The following FSTL5 variants were observed in gnomAD, a reference collection of about 807,000 sequenced individuals.
FSTL5 encodes follistatin like 5, also known as follistatin-related protein 5.
Under a neutral mutation model 89.1 loss-of-function variants are expected in FSTL5, and 62 were observed. The ratio of observed to expected loss-of-function variants is 0.70; its 90% CI spans 0.57 to 0.86. The LOEUF (loss-of-function observed/expected upper bound fraction) is 0.86. Among genes scored for constraint, FSTL5 ranks in the 40% least tolerant of loss-of-function variants. The pLI, the probability that FSTL5 is intolerant of heterozygous loss-of-function variation, is 0.00. For missense variants in FSTL5, 1,057 were observed against 1,001.6 expected, an observed-to-expected ratio of 1.06 and a Z score of -0.75; for synonymous variants, 383 against 346.2, an observed-to-expected ratio of 1.11 and a Z score of -1.18.
chr4:161,703,393 T>A (rs1401356434), intron 6 of FSTL5, among the ~76,000 whole-genome samples: 1 of 152,104 alleles, frequency 6.6e-6, no homozygotes, highest in Non-Finnish European at 1.5e-5. Flanking sequence ...ACCAAGTTAA[T>A]AAATTTAAAT....
chr4:161,848,125 G>T (rs1387704916), intron 4 of FSTL5, among the ~76,000 whole-genome samples: 2 of 148,904 alleles, frequency 1.3e-5, no homozygotes, highest in Non-Finnish European at 3.0e-5. Flanking sequence ...AAAGGTAATC[G>T]TCTGCAGCAT....
chr4:161,566,256 A>G (rs181811626), intron 8 of FSTL5, among the ~76,000 whole-genome samples: 123 of 151,248 alleles, frequency 8.1e-4, no homozygotes, highest in African/African-American at 2.8e-3. Flanking sequence ...GAAGTAACTC[A>G]GAAATGGAAA....
intron 3 of FSTL5, among the ~76,000 whole-genome samples, chr4:162,021,026 T>G (rs1181517231): frequency 6.6e-6 from 1 of 152,148 alleles, no homozygotes; most frequent in Non-Finnish European, 1.5e-5. Flanking sequence ...TAGAAAAAGT[T>G]TAAGTCTGTC....
intron 1 of FSTL5, among the ~76,000 whole-genome samples, chr4:162,152,894 T>C (rs761939423): frequency 1.2e-4 from 18 of 151,960 alleles, no homozygotes; most frequent in Non-Finnish European, 2.4e-4. Context: ...ACAACATATT[T>C]CAAATACATT....
At chr4:161,651,479 G>A (rs1736342193) in intron 7 of FSTL5, among the ~76,000 whole-genome samples, 2 of 151,868 alleles carry the variant, frequency 1.3e-5, no homozygotes, top group Admixed American at 6.6e-5. Flanking sequence ...TTTTTAGGTA[G>A]GTTCAGGGTA....
chr4:161,415,761 C>A (rs1578956100), intron 15 of FSTL5, among the ~76,000 whole-genome samples: 1 of 133,694 alleles, frequency 7.5e-6, no homozygotes, highest in Non-Finnish European at 1.6e-5. Flanking sequence ...ACATATATAT[C>A]ATACATATAG....
intron 4 of FSTL5, among the ~76,000 whole-genome samples, chr4:161,836,560 G>A (rs1384138521): frequency 6.6e-6 from 1 of 152,038 alleles, no homozygotes; most frequent in African/African-American, 2.4e-5. Flanking sequence ...AAGGGTCCCA[G>A]TGGTGATGAG....
chr4:161,848,048 A>AC (rs1315502410), intron 4 of FSTL5, among the ~76,000 whole-genome samples: 3,574 of 146,606 alleles, frequency 0.024, 182 homozygotes, highest in African/African-American at 0.089. Flanking sequence ...AAAAAAAAAA[A>AC]AAAAAAAAAA....
intron 4 of FSTL5, among the ~76,000 whole-genome samples, chr4:161,856,203 T>C (rs1439273127): frequency 1.3e-5 from 2 of 152,068 alleles, no homozygotes; most frequent in African/African-American, 4.8e-5. Flanking sequence ...CAAAGCAATA[T>C]GAATTTTTCT....
chr4:161,743,112 T>C (rs1740084328), intron 6 of FSTL5, among the ~76,000 whole-genome samples: 1 of 152,156 alleles, frequency 6.6e-6, no homozygotes, highest in African/African-American at 2.4e-5. Context: ...TGTGTTTTTG[T>C]TGTTATAGCC....
intron 2 of FSTL5, among the ~76,000 whole-genome samples, chr4:162,087,844 T>G (rs1225321314): frequency 6.6e-6 from 1 of 152,160 alleles, no homozygotes; most frequent in Admixed American, 6.6e-5. Flanking sequence ...ACTATTTAAG[T>G]GTATGAATCA....
intron 8 of FSTL5, among the ~76,000 whole-genome samples, chr4:161,566,080 T>C (rs1466153221): frequency 1.2e-5 from 1 of 82,232 alleles, no homozygotes; most frequent in Non-Finnish European, 2.5e-5. Context: ...ACATCTATTG[T>C]TTTTTTCTTT....
At chr4:161,627,395 A>C (rs1735351180) in intron 7 of FSTL5, among the ~76,000 whole-genome samples, 1 of 152,208 alleles carries the variant, frequency 6.6e-6, no homozygotes, top group Admixed American at 6.5e-5. Context: ...TATTTTATAC[A>C]TAATGCCATC....
intron 6 of FSTL5, among the ~76,000 whole-genome samples, chr4:161,731,214 A>C (rs1449480999): frequency 1.3e-5 from 2 of 152,120 alleles, no homozygotes; most frequent in African/African-American, 4.8e-5. Flanking sequence ...AAGATGATGA[A>C]TCTGTCACAC....
At chr4:162,163,453 T>TAAG (rs1186499031) in intron 1 of FSTL5, among the ~76,000 whole-genome samples, 162 bp downstream of exon 1, 1 of 145,218 alleles carries the variant, frequency 6.9e-6, no homozygotes, top group East Asian at 2.0e-4. Flanking sequence ...ATAATAATAA[T>TAAG]AATAATAATA....
intron 1 of FSTL5, among the ~76,000 whole-genome samples, chr4:162,147,657 A>C (rs1733054601): frequency 6.6e-6 from 1 of 152,156 alleles, no homozygotes; most frequent in South Asian, 2.1e-4. Context: ...GCTTTCCAGA[A>C]AGTTTTTATT....
intron 8 of FSTL5, among the ~76,000 whole-genome samples, chr4:161,550,319 A>G (rs182244884): frequency 2.8e-4 from 43 of 151,994 alleles, no homozygotes; most frequent in Middle Eastern, 6.8e-3. Context: ...CCAAGTTCTG[A>G]TTTTATTCTT....
intron 3 of FSTL5, among the ~76,000 whole-genome samples, chr4:161,977,130 G>A (rs756033446): frequency 9.9e-5 from 15 of 152,280 alleles, no homozygotes; most frequent in Middle Eastern, 3.4e-3. Context: ...TACAATGCCT[G>A]AGAAGAAATG....
chr4:162,145,701 A>G (rs1288542201), intron 1 of FSTL5, among the ~76,000 whole-genome samples: 1 of 152,142 alleles, frequency 6.6e-6, no homozygotes, highest in East Asian at 1.9e-4. Flanking sequence ...AACAAGTCAC[A>G]TGGCCATACC....
Sources: allele counts gnomAD v4.1 joint callset (sites outside exome capture counted in the v4.1 genomes callset), GRCh38; gene constraint gnomAD v4.1.1; transcripts MANE v1.5; gene names NCBI Gene and HGNC (gene_info 2026-07-23, HGNC 2026-07-21).